The following DDX10 variants were observed in gnomAD, a reference collection of about 807,000 sequenced individuals.
DDX10 encodes DEAD-box helicase 10.
DDX10 carries 74 observed loss-of-function variants against 104.3 expected under a neutral mutation model. That is an observed-to-expected ratio of 0.71 (90% CI 0.59 to 0.86). DDX10 has a LOEUF of 0.86. DDX10 is among the 40% of genes least tolerant of loss of function. The pLI is 0.00. For synonymous variants in DDX10, 351 were observed against 353.4 expected (o/e 0.99, Z 0.08); for missense variants, 952 against 1,040.0 (o/e 0.92, Z 1.16).
chr11:108,920,094 A>G (rs1370021334), intron 17 of DDX10: 1 of 152,194 alleles, frequency 6.6e-6, no homozygotes, highest in African/African-American at 2.4e-5. Flanking sequence ...TTAAAAAAGA[A>G]ATGTAATTAT....
rs1036797362 is a variant in DDX10 at position 108,940,345 on chromosome 11, T to G, written c.2550T>G (p.Thr850=). Residue 850 remains threonine (T), a synonymous_variant, in exon 18 of 18, where the codon ACT becomes ACG. Transcript: ENST00000322536. ...ACAGAAAGAAGGCCAGGTGGGACAC[T>G]TTAGAGCCTTTGGATACCGGCCTGT... The part of the protein sequence containing the change: ...SHNRKKARWD[T]LEPLDTGLSL... 1.9e-6 allele frequency: 3 copies of G among 1,613,936 alleles called. No individual in the cohort carries two copies. Among genetic ancestry groups the G allele is most frequent in the African/African-American group, 1.3e-5 (1 of 74,886 alleles).
chr11:108,841,735 T>C (rs1862641554), intron 15 of DDX10, among the ~76,000 whole-genome samples: 1 of 152,148 alleles, frequency 6.6e-6, no homozygotes, highest in African/African-American at 2.4e-5. Flanking sequence ...TTTGTTGTTA[T>C]TATTACAGTT....
intron 1 of DDX10, among the ~76,000 whole-genome samples, chr11:108,670,612 G>A (rs2094215736): frequency 6.6e-6 from 1 of 152,046 alleles, no homozygotes; most frequent in South Asian, 2.1e-4. Context: ...GGAGGGTGGT[G>A]TATTTCTAAG....
intron 13 of DDX10, among the ~76,000 whole-genome samples, chr11:108,747,494 G>A (rs2094333267): frequency 6.6e-6 from 1 of 152,174 alleles, no homozygotes; most frequent in South Asian, 2.1e-4. Flanking sequence ...GGTGATAGCA[G>A]TGAATGTAAG....
chr11:108,821,171 C>T (rs887394431), intron 13 of DDX10, among the ~76,000 whole-genome samples: 3 of 152,166 alleles, frequency 2.0e-5, no homozygotes, highest in Non-Finnish European at 4.4e-5. Context: ...TCACGAGAAA[C>T]ATCAACAAAG....
chr11:108,721,884 G>A, intron 12 of DDX10, among the ~76,000 whole-genome samples: 1 of 152,304 alleles, frequency 6.6e-6, no homozygotes, highest in East Asian at 1.9e-4. Flanking sequence ...ACATAAAAAT[G>A]TAAGTGCAAT....
chr11:108,735,040 T>A (rs1369940634), intron 13 of DDX10, among the ~76,000 whole-genome samples: 1 of 152,216 alleles, frequency 6.6e-6, no homozygotes, highest in Non-Finnish European at 1.5e-5. Flanking sequence ...ACTTTCACAT[T>A]TCTTTTCAAC....
chr11:108,884,076 C>G (rs1037184404), intron 16 of DDX10, among the ~76,000 whole-genome samples: 3 of 152,184 alleles, frequency 2.0e-5, no homozygotes, highest in African/African-American at 4.8e-5. Context: ...AAATTTCTAT[C>G]TCTAGCTGTG....
chr11:108,838,497 G>GAAGCA lies in DDX10; in HGVS notation c.2020_2024dup (p.Lys676GlnfsTer4), dbSNP rs1258879042. 6.2e-7 allele frequency: 1 copy of GAAGCA among 1,612,624 alleles called. No homozygotes were observed. Among genetic ancestry groups the GAAGCA allele is most frequent in the South Asian group, 1.1e-5 (1 of 90,914 alleles). On this transcript the variant is annotated frameshift_variant, in exon 14 of 18. Coordinates refer to ENST00000322536, the MANE Select transcript of DDX10 (RefSeq NM_004398.4). LOFTEE classifies it high-confidence loss of function. ...CAAGAAAAAAATGACCAAAGTTGCA[G>GAAGCA]AAGCAAAAAAAGTAATGAAGAGAAA...
At chr11:108,726,852 A>C (rs1423033606) in intron 13 of DDX10, among the ~76,000 whole-genome samples, 1 of 152,036 alleles carries the variant, frequency 6.6e-6, no homozygotes, top group Non-Finnish European at 1.5e-5. Context: ...GAGTTTGAGA[A>C]GCTTCCATCT....
intron 14 of DDX10, among the ~76,000 whole-genome samples, 168 bp from the exon 15 acceptor site, chr11:108,841,147 G>A (rs537591402): frequency 7.0e-4 from 106 of 152,142 alleles, no homozygotes; most frequent in Non-Finnish European, 1.2e-3. Context: ...CTCTGACTAG[G>A]GCAGTCTCTT....
chr11:108,878,412 C>G (rs536728036), intron 16 of DDX10, among the ~76,000 whole-genome samples: 11 of 152,240 alleles, frequency 7.2e-5, no homozygotes, highest in Admixed American at 5.2e-4. Flanking sequence ...GTTTTCGTGT[C>G]TTTTTTCACC....
At chr11:108,727,389 T>G (rs1404290125) in intron 13 of DDX10, among the ~76,000 whole-genome samples, 1 of 152,160 alleles carries the variant, frequency 6.6e-6, no homozygotes, top group East Asian at 1.9e-4. Context: ...TCTTTCCTGT[T>G]GATTCGTAAG....
intron 16 of DDX10, among the ~76,000 whole-genome samples, chr11:108,917,304 T>G (rs188618925): frequency 2.6e-5 from 4 of 152,250 alleles, no homozygotes; most frequent in East Asian, 3.9e-4. Context: ...TACTCTGGCT[T>G]CTGATCTTTT....
intron 9 of DDX10, among the ~76,000 whole-genome samples, chr11:108,703,153 G>A (rs1191019767): frequency 1.3e-5 from 2 of 152,060 alleles, no homozygotes; most frequent in African/African-American, 4.8e-5. Context: ...CCACAAAAAT[G>A]ATAACTCTGT....
chr11:108,675,760 T>C, intron 3 of DDX10, 34 bp downstream of exon 3: 1 of 1,607,540 alleles, frequency 6.2e-7, no homozygotes, highest in Non-Finnish European at 8.5e-7. Context: ...GACTGTCTGT[T>C]ATACAATTTT....
chr11:108,872,820 T>TCCCCCC (rs33959241), intron 16 of DDX10, among the ~76,000 whole-genome samples: 5 of 145,216 alleles, frequency 3.4e-5, no homozygotes, highest in South Asian at 2.3e-4. Flanking sequence ...TAATTTCCGT[T>TCCCCCC]CCCCCCCCCT....
rs148135639 is a variant in DDX10 at position 108,869,610 on chromosome 11, A to T, written c.2304+17401A>T. Among the ~76,000 whole-genome samples, 928 of 152,206 alleles carry T rather than the reference A, an allele frequency of 6.1e-3. 9 individuals are homozygous for T. The highest frequency in any genetic ancestry group is 0.021 in the African/African-American group (873 of 41,556). On this transcript the variant is annotated intron_variant, in intron 16 of 17. Coordinates refer to ENST00000322536, the MANE Select transcript of DDX10 (RefSeq NM_004398.4). ...TTGCTGTAAATTTCAGTCTGAGCAG[A>T]CTGTGGATTATTCATGTTTACAAGT...
chr11:108,795,310 T>TTTTTA (rs1861926156), intron 13 of DDX10, among the ~76,000 whole-genome samples: 1 of 151,428 alleles, frequency 6.6e-6, no homozygotes, highest in African/African-American at 2.4e-5. Flanking sequence ...AGGGTTTTTA[T>TTTTTA]TTTTATTTTA....
Sources: gnomAD v4.1 joint callset for allele counts (sites outside exome capture counted in the v4.1 genomes callset) on GRCh38, gnomAD v4.1.1 for gene constraint, MANE v1.5 for transcripts, NCBI Gene and HGNC (gene_info 2026-07-23, HGNC 2026-07-21) for gene names.